PPM1E: variants seen among roughly 807,000 people sequenced by gnomAD.
The protein encoded by PPM1E is protein phosphatase 1E.
PPM1E carries 20 observed loss-of-function variants against 65.9 expected under a neutral mutation model. The ratio of observed to expected loss-of-function variants is 0.30; its 90% CI spans 0.21 to 0.44. The LOEUF (loss-of-function observed/expected upper bound fraction) is 0.44. PPM1E is among the 20% of genes least tolerant of loss of function. The probability of loss-of-function intolerance (pLI) is 1.00; values close to 1 mark genes in which losing one functional copy is unlikely to be tolerated. For synonymous variants in PPM1E, 352 were observed against 374.9 expected (o/e 0.94, Z 0.70); for missense variants, 713 against 953.1 (o/e 0.75, Z 3.32).
chr17:58,786,914 A>G (rs536354728), intron 1 of PPM1E, among the ~76,000 whole-genome samples: 48 of 152,298 alleles, frequency 3.2e-4, no homozygotes, highest in Non-Finnish European at 4.9e-4. Flanking sequence ...TCTATTGCTT[A>G]ATTTTCTTTG....
chr17:58,770,104 T>A (rs186075187), intron 1 of PPM1E, among the ~76,000 whole-genome samples: 10 of 152,076 alleles, frequency 6.6e-5, no homozygotes, highest in Admixed American at 1.3e-4. Context: ...TCTAAAAGAG[T>A]CATGGATTAT....
At chr17:58,879,892 C>T (rs1432080537) in intron 1 of PPM1E, among the ~76,000 whole-genome samples, 1 of 152,128 alleles carries the variant, frequency 6.6e-6, no homozygotes, top group African/African-American at 2.4e-5. Context: ...AGTGGCAAAA[C>T]TCCACTTCCA....
intron 1 of PPM1E, among the ~76,000 whole-genome samples, chr17:58,929,916 C>A (rs2051870278): frequency 6.6e-6 from 1 of 152,060 alleles, no homozygotes; most frequent in Non-Finnish European, 1.5e-5. Flanking sequence ...ATTCTCAACT[C>A]ATCATTTAAA....
At chr17:58,778,414 T>A (rs1453530962) in intron 1 of PPM1E, among the ~76,000 whole-genome samples, 1 of 148,560 alleles carries the variant, frequency 6.7e-6, no homozygotes, top group Non-Finnish European at 1.5e-5. Context: ...TTTTTTTTTT[T>A]TTTTTTTTTT....
At chr17:58,966,418 T>TAAA (rs55779609) in intron 3 of PPM1E, 35 of 122,428 alleles carry the variant, frequency 2.9e-4, no homozygotes, top group South Asian at 1.0e-3. Flanking sequence ...AGCAGTTTTG[T>TAAA]AAAAAAAAAA....
In PPM1E at chr17:58,907,565, G is replaced by T. The variant is rs373435222; in HGVS notation, c.465-48084G>T. Among the ~76,000 whole-genome samples, 2 of 152,266 alleles carry T rather than the reference G, an allele frequency of 1.3e-5. 1 individual carries two copies. Among genetic ancestry groups the T allele is most frequent in the Admixed American group, 1.3e-4 (2 of 15,292 alleles). ...ACTAATTTTCTGCCTGCTGCATTTT[G>T]TCCATTTCTGAGAGAGGGATGTTGA... is the stretch of plus-strand genomic sequence containing the variant. On this transcript the variant is annotated intron_variant, in intron 1 of 6. Coordinates refer to ENST00000308249, the MANE Select transcript of PPM1E (RefSeq NM_014906.5).
chr17:58,968,666 C>T (rs1280685893), intron 3 of PPM1E, among the ~76,000 whole-genome samples: 2 of 152,174 alleles, frequency 1.3e-5, no homozygotes, highest in East Asian at 1.9e-4. Context: ...GCTCAGGACT[C>T]AGTGCGAGTT....
At chr17:58,970,026 A>G (rs2030492445) in intron 4 of PPM1E, among the ~76,000 whole-genome samples, 1 of 152,204 alleles carries the variant, frequency 6.6e-6, no homozygotes, top group South Asian at 2.1e-4. Context: ...ATTGCCTGTC[A>G]GGTTCACACC....
intron 1 of PPM1E, among the ~76,000 whole-genome samples, chr17:58,771,912 C>T (rs1453315528): frequency 6.6e-6 from 1 of 152,246 alleles, no homozygotes; most frequent in African/African-American, 2.4e-5. Context: ...GAGGAAAAGT[C>T]AGGCAAGTTA....
intron 1 of PPM1E, among the ~76,000 whole-genome samples, chr17:58,896,887 G>A (rs1255406708): frequency 6.6e-6 from 1 of 152,094 alleles, no homozygotes; most frequent in Non-Finnish European, 1.5e-5. Context: ...CAAAGGACAG[G>A]CTGACTCTCT....
Position 58,774,365 on chromosome 17 carries a change from T to TTTTTC in PPM1E, c.464+17908_464+17912dup, listed in dbSNP as rs535900833. Among the ~76,000 whole-genome samples the TTTTTC allele has an allele frequency of 5.5e-4, 83 of 152,238 alleles. No individual in the cohort carries two copies. In the Middle Eastern group the frequency reaches 0.01, roughly 19 times the overall value. On this transcript the variant is annotated intron_variant, in intron 1 of 6. Transcript: ENST00000308249. ...AATAAATAGATATTTTCAGTGCAAA[T>TTTTTC]TTTTCTTTATCACAGGACCAGTGTT...
At chr17:58,880,056 G>T (rs1423027601) in intron 1 of PPM1E, among the ~76,000 whole-genome samples, 1 of 152,176 alleles carries the variant, frequency 6.6e-6, no homozygotes, top group East Asian at 1.9e-4. Flanking sequence ...TCAATCACTG[G>T]TATACTGAAT....
At chr17:58,906,386 T>C (rs910451293) in intron 1 of PPM1E, among the ~76,000 whole-genome samples, 2 of 152,246 alleles carry the variant, frequency 1.3e-5, no homozygotes, top group Admixed American at 6.5e-5. Context: ...TCACCCAGGC[T>C]GGAGTGCAGT....
At chr17:58,902,255 A>C (rs1418693966) in intron 1 of PPM1E, among the ~76,000 whole-genome samples, 1 of 152,182 alleles carries the variant, frequency 6.6e-6, no homozygotes, top group African/African-American at 2.4e-5. Context: ...ACAAGAGTGT[A>C]AGAATTTTTT....
intron 1 of PPM1E, among the ~76,000 whole-genome samples, chr17:58,771,046 G>C (rs952058248): frequency 6.6e-6 from 1 of 151,584 alleles, no homozygotes; most frequent in Non-Finnish European, 1.5e-5. Flanking sequence ...TAGTAGAGAT[G>C]GGGTTTCACC....
rs117411331 is a variant in PPM1E at position 58,866,101 on chromosome 17, C to T, written c.465-89548C>T. Among the ~76,000 whole-genome samples the T allele has an allele frequency of 8.2e-3, 1,252 of 152,244 alleles. 7 individuals are homozygous for T. Among genetic ancestry groups the T allele is most frequent in the Non-Finnish European group, 0.013 (915 of 68,008 alleles). On this transcript the variant is annotated intron_variant, in intron 1 of 6. Transcript: ENST00000308249. ...TCTTTCACAAAGAGTGTCTAAATAG[C>T]CAGCTAAATGCCAGAAAGTTGTATT...
intron 1 of PPM1E, among the ~76,000 whole-genome samples, chr17:58,912,015 G>T (rs1288172276): frequency 2.0e-5 from 3 of 152,136 alleles, no homozygotes; most frequent in Admixed American, 6.6e-5. Context: ...TATCCCTAAC[G>T]CAGTCCCTAT....
At chr17:58,910,329 C>T (rs1567872434) in intron 1 of PPM1E, among the ~76,000 whole-genome samples, 1 of 152,120 alleles carries the variant, frequency 6.6e-6, no homozygotes, top group East Asian at 1.9e-4. Flanking sequence ...TGTTTTTTAT[C>T]TCTAGCATTC....
Position 58,980,749 on chromosome 17 carries a change from C to T in PPM1E, c.1986C>T (p.Asn662=). The T allele has an allele frequency of 6.2e-7, 1 of 1,614,132 alleles. No individual in the cohort carries two copies. Among genetic ancestry groups the T allele is most frequent in the Non-Finnish European group, 8.5e-7 (1 of 1,180,002 alleles). ...LENEQFKSPG[N]RVSRLSHLRH... is the part of the protein sequence containing the mutation. ...ATGAACAGTTCAAATCCCCGGGAAA[C>T]AGAGTTTCTAGATTGTCTCATTTAC... is the stretch of plus-strand genomic sequence containing the variant. The change falls in exon 7 of 7, where the codon AAC becomes AAT. Residue 662 remains asparagine, a synonymous_variant. Transcript: ENST00000308249. The surrounding 1 kb of genome is among the most constrained non-coding windows in gnomAD (Gnocchi z 4.7).
Sources: gnomAD v4.1 joint callset for allele counts (sites outside exome capture counted in the v4.1 genomes callset) on GRCh38, gnomAD v4.1.1 for gene constraint, Gnocchi (gnomAD v3.1) non-coding constraint, MANE v1.5 for transcripts, NCBI Gene and HGNC (gene_info 2026-07-23, HGNC 2026-07-21) for gene names.